The following TTBK1 variants were observed in gnomAD, a reference collection of about 807,000 sequenced individuals.
TTBK1 encodes tau tubulin kinase 1.
In TTBK1, 34 loss-of-function variants were observed where a neutral mutation model predicts 108.5. The ratio of observed to expected loss-of-function variants is 0.31; its 90% confidence interval spans 0.24 to 0.42. The LOEUF (loss-of-function observed/expected upper bound fraction) is 0.42, where lower values mean the gene tolerates loss of function less well. TTBK1 is among the 10% of genes least tolerant of loss of function. TTBK1 has a pLI of 1.00. For synonymous variants in TTBK1, 809 were observed against 795.1 expected (o/e 1.02, Z -0.29); for missense variants, 1,539 against 1,826.0 (o/e 0.84, Z 2.86).
chr6:43,249,539 T>C (rs969635880), intron 2 of TTBK1, among the ~76,000 whole-genome samples: 8 of 152,134 alleles, frequency 5.3e-5, no homozygotes, highest in Admixed American at 2.6e-4. Context: ...TTGTTCTCTT[T>C]GACCTAAAGG....
intron 2 of TTBK1, among the ~76,000 whole-genome samples, chr6:43,250,691 G>A (rs995163655): frequency 6.6e-6 from 1 of 152,154 alleles, no homozygotes; most frequent in African/African-American, 2.4e-5. Flanking sequence ...GTGTGATGTG[G>A]GGCAAGGTAT....
intron 2 of TTBK1, among the ~76,000 whole-genome samples, chr6:43,250,578 C>G (rs934685853): frequency 3.3e-5 from 5 of 152,106 alleles, no homozygotes; most frequent in African/African-American, 9.7e-5. Context: ...AAGCTGGGCT[C>G]AAACTCCTGG....
Position 43,259,925 on chromosome 6 carries a change from C to T in TTBK1, c.1424+219C>T, listed in dbSNP as rs1433503247. On this transcript the variant is annotated intron_variant, in intron 12 of 14. Coordinates refer to ENST00000259750, the MANE Select transcript of TTBK1 (RefSeq NM_032538.3). This position sits in a 1 kb window ranked among gnomAD's most constrained non-coding sequence, Gnocchi z 6.7. ...AGAGGTCCCGGCTCATGCCAGGAAA[C>T]GTAATTGGGTGAGTGCAGGCTGCAG... Among the ~76,000 whole-genome samples, 1 of 152,120 alleles carries T rather than the reference C, an allele frequency of 6.6e-6. No individual in the cohort carries two copies. The highest frequency in any genetic ancestry group is 1.5e-5 in the Non-Finnish European group (1 of 68,020).
chr6:43,255,181 GC>G, intron 7 of TTBK1, 67 bp downstream of exon 7: 1 of 1,221,110 alleles, frequency 8.2e-7, no homozygotes, highest in Admixed American at 1.9e-5. Flanking sequence ...GCAGTGTGCT[GC>G]TGGGGAGGGG....
chr6:43,245,140 G>A (rs898513633), intron 1 of TTBK1, among the ~76,000 whole-genome samples: 1 of 152,112 alleles, frequency 6.6e-6, no homozygotes, highest in Non-Finnish European at 1.5e-5. Flanking sequence ...TGTCCCCTAT[G>A]GCAGGATGTC....
chr6:43,243,673 G>A lies in TTBK1; in HGVS notation c.-90G>A, dbSNP rs1777012679. 2 of 153,166 alleles carry A rather than the reference G, an allele frequency of 1.3e-5. No homozygotes were observed. Among genetic ancestry groups the A allele is most frequent in the Non-Finnish European group, 2.9e-5 (2 of 68,762 alleles). 9.5% of individuals were successfully genotyped at this position (153,166 alleles called of 1,614,324 possible). On this transcript the variant is annotated 5_prime_UTR_variant, in exon 1 of 15. Transcript: ENST00000259750. The surrounding 1 kb of genome is among the most constrained non-coding windows in gnomAD (Gnocchi z 5.5). ...GCCGCCCCGAGCTGCTGCCTCCGCC[G>A]CCGCCGCAGCCGCAGCCGCAGCGGG...
intron 13 of TTBK1, chr6:43,272,156 C>T (rs901928345): frequency 1.0e-6 from 1 of 985,464 alleles, no homozygotes; most frequent in African/African-American, 1.7e-5. Context: ...TGAAGGGAAC[C>T]TGCCCACCAT....
rs1392567091 is a variant in TTBK1, at chr6:43,257,073, T to C, written c.862-739T>C. Among the ~76,000 whole-genome samples, 2 of 152,218 alleles carry C rather than the reference T, an allele frequency of 1.3e-5. No individual in the cohort carries two copies. Among genetic ancestry groups the C allele is most frequent in the African/African-American group, 4.8e-5 (2 of 41,460 alleles). ...TAGAGACAGCCTGAGGCACACAGGA[T>C]GCACTCAATTAAGCCGGTCCTCTCA... On this transcript the variant is annotated intron_variant, in intron 9 of 14. Coordinates refer to ENST00000259750, the MANE Select transcript of TTBK1 (RefSeq NM_032538.3). This position sits in a 1 kb window ranked among gnomAD's most constrained non-coding sequence, Gnocchi z 4.5.
chr6:43,269,452 G>A lies in TTBK1; in HGVS notation c.1986+6102G>A, dbSNP rs1777765706. On this transcript the variant is annotated intron_variant, in intron 13 of 14. Transcript: ENST00000259750. This position sits in a 1 kb window ranked among gnomAD's most constrained non-coding sequence, Gnocchi z 4.8. Reference sequence around the variant, plus strand: ...AAGGAGGAGGGGGAAGGGCGTTGGAGGCCAGAGCCTAGATTCTGAGGCAGG... The same window carrying A: ...AAGGAGGAGGGGGAAGGGCGTTGGAAGCCAGAGCCTAGATTCTGAGGCAGG... 6.6e-6 allele frequency among the ~76,000 whole-genome samples: 1 copy of A among 152,218 alleles called. No individual in the cohort carries two copies. Among genetic ancestry groups the A allele is most frequent in the South Asian group, 2.1e-4 (1 of 4,830 alleles).
rs1777403904 is a variant in TTBK1, at chr6:43,257,146, G to A, written c.862-666G>A. 6.6e-6 allele frequency among the ~76,000 whole-genome samples: 1 copy of A among 152,198 alleles called. No homozygotes were observed. The highest frequency in any genetic ancestry group is 2.4e-5 in the African/African-American group (1 of 41,436). On this transcript the variant is annotated intron_variant, in intron 9 of 14. Coordinates refer to ENST00000259750, the MANE Select transcript of TTBK1 (RefSeq NM_032538.3). This position sits in a 1 kb window ranked among gnomAD's most constrained non-coding sequence, Gnocchi z 4.5. ...TCTGGAGACAGCCAAGCCAGAAGTG[G>A]AGTGTTCTGGGGACCTCAGAGGGTC...
intron 13 of TTBK1, among the ~76,000 whole-genome samples, chr6:43,267,940 G>A (rs1028105799): frequency 2.0e-5 from 3 of 152,228 alleles, no homozygotes; most frequent in South Asian, 2.1e-4. Flanking sequence ...TGGAGCTCAA[G>A]GTCACAAGCA....
chr6:43,266,515 C>T (rs1487078008), intron 13 of TTBK1, among the ~76,000 whole-genome samples: 1 of 152,220 alleles, frequency 6.6e-6, no homozygotes, highest in Admixed American at 6.5e-5. Context: ...TTTAGCTCAG[C>T]TGGTGACCAC....
chr6:43,280,597 C>T (rs1418586610), intron 13 of TTBK1, among the ~76,000 whole-genome samples: 4 of 152,164 alleles, frequency 2.6e-5, no homozygotes, highest in African/African-American at 9.7e-5. Flanking sequence ...GGACAAGAGA[C>T]ATTCAAAGAC....
intron 13 of TTBK1, among the ~76,000 whole-genome samples, chr6:43,280,485 T>A (rs1778126287): frequency 6.6e-6 from 1 of 152,236 alleles, no homozygotes; most frequent in Non-Finnish European, 1.5e-5. Flanking sequence ...CTTTGTGGAA[T>A]GTGCATATCC....
intron 2 of TTBK1, among the ~76,000 whole-genome samples, chr6:43,251,962 A>G (rs946123119): frequency 6.6e-6 from 1 of 152,130 alleles, no homozygotes; most frequent in African/African-American, 2.4e-5. Context: ...CGGCTTCCCC[A>G]GGGGATCAAT....
Position 43,243,684 on chromosome 6 carries a change from C to T in TTBK1, c.-79C>T, listed in dbSNP as rs991292060. The T allele has an allele frequency of 1.3e-5, 2 of 153,338 alleles. No homozygotes were observed. The highest frequency in any genetic ancestry group is 4.8e-5 in the African/African-American group (2 of 41,332). 9.5% of individuals were successfully genotyped at this position (153,338 alleles called of 1,614,324 possible). A position where few individuals can be genotyped will look rare whatever the true frequency, so the allele number is the denominator to read the frequency against. ...CTGCTGCCTCCGCCGCCGCCGCAGC[C>T]GCAGCCGCAGCGGGCACAGAGCAGG... On this transcript the variant is annotated 5_prime_UTR_variant, in exon 1 of 15. Coordinates refer to ENST00000259750, the MANE Select transcript of TTBK1 (RefSeq NM_032538.3). This position sits in a 1 kb window ranked among gnomAD's most constrained non-coding sequence, Gnocchi z 5.5.
Position 43,259,602 on chromosome 6 carries a change from C to G in TTBK1, c.1320C>G (p.Asp440Glu), listed in dbSNP as rs1161983891. 1.9e-6 allele frequency: 3 copies of G among 1,612,078 alleles called. No individual in the cohort carries two copies. Among genetic ancestry groups the G allele is most frequent in the Non-Finnish European group, 2.5e-6 (3 of 1,179,322 alleles). ...VPSSPVRAPP[D>E]SPTTPVRSLR... ...GCTCCCCAGTGCGTGCCCCCCCAGA[C>G]TCCCCCACAACCCCAGTCCGTTCTC... The change falls in exon 12 of 15, where the codon GAC (aspartate) becomes GAG (glutamate). Residue 440 changes from aspartate to glutamate, a missense_variant. Coordinates refer to ENST00000259750, the MANE Select transcript of TTBK1 (RefSeq NM_032538.3). This position sits in a 1 kb window ranked among gnomAD's most constrained non-coding sequence, Gnocchi z 6.7.
At chr6:43,272,059 C>A (rs1415586511) in intron 13 of TTBK1, 2 of 985,260 alleles carry the variant, frequency 2.0e-6, no homozygotes, top group African/African-American at 3.5e-5. Context: ...GAACAGTGGC[C>A]CCACTCCCCT....
chr6:43,272,327 A>G (rs1777856338), intron 13 of TTBK1: 3 of 985,366 alleles, frequency 3.0e-6, no homozygotes, highest in East Asian at 2.3e-4. Context: ...GAGGTACTCT[A>G]AGATCCCAAA....
Sources: gnomAD v4.1 joint callset for allele counts (sites outside exome capture counted in the v4.1 genomes callset) on GRCh38, gnomAD v4.1.1 for gene constraint, Gnocchi (gnomAD v3.1) non-coding constraint, MANE v1.5 for transcripts, NCBI Gene and HGNC (gene_info 2026-07-23, HGNC 2026-07-21) for gene names.